Variants in NRXN3 observed in about 807,000 individuals in gnomAD.
NRXN3 encodes the protein neurexin III.
Under a neutral mutation model 137.6 loss-of-function variants are expected in NRXN3, and 32 were observed. The observed-to-expected ratio is 0.23, with a 90% CI of 0.18 to 0.31. The LOEUF (loss-of-function observed/expected upper bound fraction) is 0.31. Among genes scored for constraint, NRXN3 ranks in the 10% least tolerant of loss-of-function variants. NRXN3 has a pLI of 1.00. For missense variants in NRXN3, 1,574 were observed against 2,062.5 expected, an observed-to-expected ratio of 0.76 and a Z score of 4.59; for synonymous variants, 798 against 784.5, an observed-to-expected ratio of 1.02 and a Z score of -0.29.
intron 15 of NRXN3, among the ~76,000 whole-genome samples, chr14:79,366,174 T>A (rs1016976489): frequency 1.3e-5 from 2 of 152,118 alleles, no homozygotes; most frequent in African/African-American, 4.8e-5. Flanking sequence ...AAATTTAAAA[T>A]TTTTTAATTA....
chr14:79,534,319 C>G (rs1010128271), intron 16 of NRXN3, among the ~76,000 whole-genome samples: 1 of 152,192 alleles, frequency 6.6e-6, no homozygotes, highest in Non-Finnish European at 1.5e-5. Context: ...AGAGCTATCT[C>G]TTGTTCCTTC....
intron 16 of NRXN3, among the ~76,000 whole-genome samples, chr14:79,563,409 C>A (rs996688099): frequency 6.6e-6 from 1 of 151,968 alleles, no homozygotes; most frequent in Non-Finnish European, 1.5e-5. Flanking sequence ...GTGTAAAGAG[C>A]AAGATCTTTT....
chr14:78,911,999 C>T (rs1194837263), intron 10 of NRXN3, among the ~76,000 whole-genome samples: 1 of 151,524 alleles, frequency 6.6e-6, no homozygotes, highest in Non-Finnish European at 1.5e-5. Flanking sequence ...ATACATGTGC[C>T]ATGTTGGTGT....
intron 8 of NRXN3, among the ~76,000 whole-genome samples, chr14:78,732,966 C>G (rs1203181884): frequency 6.6e-6 from 1 of 152,038 alleles, no homozygotes; most frequent in African/African-American, 2.4e-5. Context: ...GATTCTTTTT[C>G]TACTTGAGGT....
At chr14:78,314,549 A>G (rs73312544) in intron 4 of NRXN3, among the ~76,000 whole-genome samples, 89 of 152,288 alleles carry the variant, frequency 5.8e-4, no homozygotes, top group African/African-American at 1.9e-3. Context: ...CTAAAGGGCC[A>G]TGCCTGGACA....
chr14:78,938,848 C>CTTTTCTTT (rs2099347130), intron 10 of NRXN3, among the ~76,000 whole-genome samples: 2 of 132,026 alleles, frequency 1.5e-5, no homozygotes, highest in East Asian at 2.1e-4. Flanking sequence ...AGTGATTTTT[C>CTTTTCTTT]TTTTTTTTTT....
chr14:78,937,489 G>A lies in NRXN3; in HGVS notation c.2276-19753G>A, dbSNP rs77806861. Among the ~76,000 whole-genome samples, 398 of 152,290 alleles carry A rather than the reference G, an allele frequency of 2.6e-3. 11 individuals are homozygous for A. The East Asian group carries it at 0.067, about 26-fold the overall frequency. ...TGGCTGCTCACTGTTCCTGTTTTGA[G>A]TAAATTACCCTTCTTAATTGAACAT... On this transcript the variant is annotated intron_variant, in intron 10 of 20. Transcript: ENST00000335750.
intron 15 of NRXN3, among the ~76,000 whole-genome samples, chr14:79,413,554 C>T (rs899822993): frequency 1.3e-5 from 2 of 152,012 alleles, no homozygotes; most frequent in African/African-American, 4.8e-5. Flanking sequence ...AAACTAGATC[C>T]AAGACCAGAT....
At chr14:78,878,466 T>C (rs1209275180) in intron 10 of NRXN3, among the ~76,000 whole-genome samples, 1 of 152,162 alleles carries the variant, frequency 6.6e-6, no homozygotes, top group African/African-American at 2.4e-5. Flanking sequence ...TCAGTAACTG[T>C]TTTGTGTGTA....
intron 19 of NRXN3, among the ~76,000 whole-genome samples, chr14:79,731,643 C>CTTTTTTT (rs530011034): frequency 7.1e-6 from 1 of 140,098 alleles, no homozygotes; most frequent in South Asian, 2.3e-4. Flanking sequence ...TCCCTTCCTT[C>CTTTTTTT]TTTTTTTTTT....
At chr14:78,922,335 G>A (rs1420901121) in intron 10 of NRXN3, among the ~76,000 whole-genome samples, 2 of 152,116 alleles carry the variant, frequency 1.3e-5, no homozygotes, top group African/African-American at 4.8e-5. Flanking sequence ...ATATAATTAG[G>A]TATAGAATAT....
chr14:78,332,118 G>A (rs1454931205), intron 4 of NRXN3, among the ~76,000 whole-genome samples: 7 of 152,078 alleles, frequency 4.6e-5, no homozygotes, highest in Non-Finnish European at 1.0e-4. Flanking sequence ...TAAAAAGGGA[G>A]TAATAATGAA....
intron 19 of NRXN3, among the ~76,000 whole-genome samples, chr14:79,786,712 G>A (rs757575294): frequency 3.9e-5 from 6 of 152,210 alleles, no homozygotes; most frequent in Non-Finnish European, 5.9e-5. Context: ...GATAAACTCT[G>A]TTAACTGCCC....
chr14:79,096,514 A>AAT, intron 15 of NRXN3, among the ~76,000 whole-genome samples: 1 of 151,994 alleles, frequency 6.6e-6, no homozygotes, highest in South Asian at 2.1e-4. Flanking sequence ...AATAACTATG[A>AAT]GACTGCAGGC....
rs116081871 is a variant in NRXN3, at chr14:78,196,024, G to T, written c.-704+25350G>T. On this transcript the variant is annotated intron_variant, in intron 1 of 20. Transcript: ENST00000335750. ...CTCGGATCTGTATGACGAACCCGCT[G>T]TGGCTTGTCACCACAACATAGGATG... Among the ~76,000 whole-genome samples, 811 of 152,358 alleles carry T rather than the reference G, an allele frequency of 5.3e-3. 7 individuals carry two copies. Among genetic ancestry groups the T allele is most frequent in the African/African-American group, 0.018 (766 of 41,580 alleles).
At chr14:79,162,269 T>C (rs995734961) in intron 15 of NRXN3, among the ~76,000 whole-genome samples, 1 of 150,282 alleles carries the variant, frequency 6.7e-6, no homozygotes, top group Non-Finnish European at 1.5e-5. Flanking sequence ...ATTAGGTATA[T>C]CTCCCAATGC....
chr14:78,988,231 T>C, intron 15 of NRXN3, 90 bp downstream of exon 15: 2 of 1,468,342 alleles, frequency 1.4e-6, no homozygotes, highest in Non-Finnish European at 1.9e-6. Flanking sequence ...AGGATGGCTC[T>C]TCTGAAAGAT....
At chr14:78,502,684 G>A (rs888286914) in intron 4 of NRXN3, among the ~76,000 whole-genome samples, 3 of 152,096 alleles carry the variant, frequency 2.0e-5, no homozygotes, top group African/African-American at 4.8e-5. Flanking sequence ...TTTTACCTTA[G>A]CTACTTTGAT....
chr14:78,774,658 C>T (rs963346216), intron 8 of NRXN3, among the ~76,000 whole-genome samples: 2 of 152,178 alleles, frequency 1.3e-5, no homozygotes, highest in Non-Finnish European at 2.9e-5. Flanking sequence ...TGCCTTGCCC[C>T]TATAATCCCA....
Sources: allele counts gnomAD v4.1 joint callset (sites outside exome capture counted in the v4.1 genomes callset), GRCh38; gene constraint gnomAD v4.1.1; transcripts MANE v1.5; gene names NCBI Gene and HGNC (gene_info 2026-07-23, HGNC 2026-07-21).